The following DENND1A variants were observed in gnomAD, a reference collection of about 807,000 sequenced individuals.
DENND1A encodes DENN domain-containing protein 1A.
In DENND1A, 51 loss-of-function variants were observed where a neutral mutation model predicts 113.7. The ratio of observed to expected loss-of-function variants is 0.45; its 90% CI spans 0.36 to 0.57. The LOEUF (loss-of-function observed/expected upper bound fraction) is 0.57. Among genes scored for constraint, DENND1A ranks in the 20% least tolerant of loss-of-function variants. DENND1A has a pLI of 0.00. For synonymous variants in DENND1A, 565 were observed against 570.8 expected (o/e 0.99, Z 0.14); for missense variants, 1,258 against 1,395.9 (o/e 0.90, Z 1.57).
At chr9:123,919,934 C>A (rs1588257139) in intron 1 of DENND1A, among the ~76,000 whole-genome samples, 1 of 148,918 alleles carries the variant, frequency 6.7e-6, no homozygotes, top group East Asian at 2.0e-4. Flanking sequence ...GGATTTGCTT[C>A]AAAATAATCC....
At chr9:123,546,556 A>C (rs919016226) in intron 13 of DENND1A, among the ~76,000 whole-genome samples, 1 of 152,120 alleles carries the variant, frequency 6.6e-6, no homozygotes, top group African/African-American at 2.4e-5. Flanking sequence ...CATCTCAAAA[A>C]AAAAAAACAA....
At chr9:123,920,643 T>A (rs1856071727) in intron 1 of DENND1A, among the ~76,000 whole-genome samples, 1 of 152,026 alleles carries the variant, frequency 6.6e-6, no homozygotes, top group Non-Finnish European at 1.5e-5. Context: ...CACTGCAACC[T>A]CCCCTTCCCG....
intron 21 of DENND1A, among the ~76,000 whole-genome samples, chr9:123,397,816 A>G (rs575372410): frequency 1.3e-5 from 2 of 152,340 alleles, no homozygotes; most frequent in East Asian, 3.9e-4. Flanking sequence ...ATTACCTGAA[A>G]AGAGCAGATT....
At chr9:123,404,000 G>C (rs958470596) in intron 20 of DENND1A, among the ~76,000 whole-genome samples, 2 of 152,236 alleles carry the variant, frequency 1.3e-5, no homozygotes, top group African/African-American at 4.8e-5. Context: ...AGGCATGAGA[G>C]AGTGCCACTA....
In DENND1A at chr9:123,887,103, G is replaced by GC. The variant is rs1210773549; in HGVS notation, c.18-8083dup. 3.3e-5 allele frequency among the ~76,000 whole-genome samples: 5 copies of GC among 152,272 alleles called. No homozygotes were observed. The East Asian group carries it at 7.7e-4, about 24-fold the overall frequency. ...AATAAGTTGTCTCATATGCTGAGCT[G>GC]CAGTGTAAAATCTAGGCTTTACCCA... On this transcript the variant is annotated intron_variant, in intron 1 of 23. Transcript: ENST00000394215.
intron 5 of DENND1A, among the ~76,000 whole-genome samples, chr9:123,728,504 A>C (rs1408052347): frequency 2.7e-5 from 4 of 147,840 alleles, no homozygotes; most frequent in Non-Finnish European, 4.5e-5. Context: ...AAAAAAAAAA[A>C]AAAAAACAGG....
chr9:123,424,205 G>C (rs2045538101), intron 19 of DENND1A, among the ~76,000 whole-genome samples: 1 of 152,150 alleles, frequency 6.6e-6, no homozygotes, highest in South Asian at 2.1e-4. Context: ...CTTCTAGTCT[G>C]GGTTGCTGAG....
chr9:123,515,234 A>T lies in DENND1A; in HGVS notation c.993+42336T>A, dbSNP rs2053806758. On this transcript the variant is annotated intron_variant, in intron 13 of 23. Coordinates refer to ENST00000394215, the MANE Select transcript of DENND1A (RefSeq NM_001352964.2). ...AGTCAACTGGGAAAACTGTATGTAG[A>T]TTACAGATTGTCTATTAGGTTGGTG... is the stretch of plus-strand genomic sequence containing the variant. 3.9e-5 allele frequency among the ~76,000 whole-genome samples: 6 copies of T among 152,372 alleles called. No homozygotes were observed. The South Asian group carries it at 1.2e-3, about 32-fold the overall frequency.
chr9:123,586,250 T>C (rs938545613), intron 11 of DENND1A, among the ~76,000 whole-genome samples: 4 of 152,200 alleles, frequency 2.6e-5, no homozygotes, highest in African/African-American at 9.6e-5. Flanking sequence ...CAGGGCTGAA[T>C]GGCCCCATGA....
chr9:123,833,987 C>T (rs942354937), intron 2 of DENND1A, among the ~76,000 whole-genome samples: 4 of 152,156 alleles, frequency 2.6e-5, no homozygotes, highest in South Asian at 4.2e-4. Context: ...ACCTGGGAGG[C>T]GGGGGTTGCA....
At chr9:123,763,267 C>T (rs2071196376) in intron 4 of DENND1A, among the ~76,000 whole-genome samples, 1 of 152,044 alleles carries the variant, frequency 6.6e-6, no homozygotes, top group Admixed American at 6.6e-5. Flanking sequence ...CCAGGTGAGA[C>T]TGGATGGTGG....
At chr9:123,638,089 A>AT (rs577796434) in intron 9 of DENND1A, among the ~76,000 whole-genome samples, 11 of 151,440 alleles carry the variant, frequency 7.3e-5, no homozygotes, top group East Asian at 3.9e-4. Context: ...ACTTCTCTCC[A>AT]TTTTTTTTTA....
intron 2 of DENND1A, among the ~76,000 whole-genome samples, chr9:123,830,668 A>G (rs1840041183): frequency 6.6e-6 from 1 of 151,990 alleles, no homozygotes; most frequent in Non-Finnish European, 1.5e-5. Context: ...GTTTGAGACC[A>G]GCCTGGCCAA....
intron 11 of DENND1A, among the ~76,000 whole-genome samples, chr9:123,599,960 AACC>A (rs1461858401): frequency 6.6e-6 from 1 of 152,114 alleles, no homozygotes; most frequent in Non-Finnish European, 1.5e-5. Flanking sequence ...TGTTAAACAA[AACC>A]ACATGCGCCC....
chr9:123,920,735 A>AT (rs761034647), intron 1 of DENND1A, among the ~76,000 whole-genome samples: 2,435 of 137,862 alleles, frequency 0.018, 22 homozygotes, highest in East Asian at 0.025. Flanking sequence ...AATTTTTGTA[A>AT]TTTTTTTTTT....
At chr9:123,846,798 T>C (rs1035680003) in intron 2 of DENND1A, among the ~76,000 whole-genome samples, 1 of 152,186 alleles carries the variant, frequency 6.6e-6, no homozygotes, top group Admixed American at 6.5e-5. Flanking sequence ...CACAACAGTG[T>C]TAAACATAAT....
intron 4 of DENND1A, among the ~76,000 whole-genome samples, chr9:123,768,011 A>G (rs1353277809): frequency 6.6e-6 from 1 of 152,210 alleles, no homozygotes; most frequent in African/African-American, 2.4e-5. Flanking sequence ...ATTCATACAT[A>G]TAAATGTGAA....
rs916562411 is a variant in DENND1A, at chr9:123,579,191, T to G, written c.867+3978A>C. Among the ~76,000 whole-genome samples, 3 of 152,348 alleles carry G rather than the reference T, an allele frequency of 2.0e-5. No homozygotes were observed. In the East Asian group the frequency reaches 5.8e-4, roughly 29 times the overall value. ...GATTGTGCTGATAGGATATATGTTT[T>G]AAATATATTATATATATTACATTTA... On this transcript the variant is annotated intron_variant, in intron 12 of 23. Coordinates refer to ENST00000394215, the MANE Select transcript of DENND1A (RefSeq NM_001352964.2).
At chr9:123,927,693 G>C (rs1025519335) in intron 1 of DENND1A, among the ~76,000 whole-genome samples, 1 of 152,172 alleles carries the variant, frequency 6.6e-6, no homozygotes, top group Admixed American at 6.6e-5. Context: ...CTGACTTGCT[G>C]CATCAGAGAT....
Sources: allele counts gnomAD v4.1 joint callset (sites outside exome capture counted in the v4.1 genomes callset), GRCh38; gene constraint gnomAD v4.1.1; transcripts MANE v1.5; gene names NCBI Gene and HGNC (gene_info 2026-07-23, HGNC 2026-07-21).